The following DNAAF4 variants were observed in gnomAD, a reference collection of about 807,000 sequenced individuals.
DNAAF4 encodes dynein axonemal assembly factor 4.
A neutral mutation model predicts 51.8 loss-of-function variants in DNAAF4; 43 were observed. The observed-to-expected ratio is 0.83, with a 90% confidence interval of 0.65 to 1.07. DNAAF4 has a LOEUF of 1.07. Among genes scored for constraint, DNAAF4 ranks in the 50% least tolerant of loss-of-function variants. The pLI is 0.00. For missense variants in DNAAF4, 581 were observed against 493.0 expected, an observed-to-expected ratio of 1.18 and a Z score of -1.69; for synonymous variants, 194 against 165.6, an observed-to-expected ratio of 1.17 and a Z score of -1.32.
intron 7 of DNAAF4, among the ~76,000 whole-genome samples, chr15:55,419,236 T>G (rs559006965): frequency 6.6e-6 from 1 of 151,654 alleles, no homozygotes; most frequent in African/African-American, 2.4e-5. Flanking sequence ...TATTTTTTAT[T>G]TTTGGAGAAA....
intron 1 of DNAAF4, among the ~76,000 whole-genome samples, chr15:55,503,247 G>C (rs1040064000): frequency 6.6e-6 from 1 of 152,132 alleles, no homozygotes; most frequent in African/African-American, 2.4e-5. Flanking sequence ...TCTCTGAACA[G>C]ACCAATAACA....
intron 4 of DNAAF4, among the ~76,000 whole-genome samples, chr15:55,484,535 A>T (rs2058460278): frequency 6.6e-6 from 1 of 151,990 alleles, no homozygotes; most frequent in East Asian, 1.9e-4. Context: ...GATCTGCTAT[A>T]TCCACTTCTA....
Position 55,439,496 on chromosome 15 carries a change from G to C in DNAAF4, c.869C>G (p.Pro290Arg). ...LCDLKEEEKN[P>R]EWLKDKGNKL... ...CTTTCCTTTATCCTTCAACCATTCT[G>C]GGTTCTTTTCTTCTTCTTTTAAATC... The change falls in exon 7 of 10, where the codon CCA becomes CGA. Residue 290 changes from proline (P) to arginine (R), a missense_variant. Coordinates refer to ENST00000321149, the MANE Select transcript of DNAAF4 (RefSeq NM_130810.4). 1.2e-6 allele frequency: 2 copies of C among 1,613,812 alleles called. No individual in the cohort carries two copies. Among genetic ancestry groups the C allele is most frequent in the Non-Finnish European group, 1.7e-6 (2 of 1,179,870 alleles).
chr15:55,431,447 A>G (rs1213106614), intron 9 of DNAAF4, among the ~76,000 whole-genome samples: 1 of 150,862 alleles, frequency 6.6e-6, no homozygotes, highest in East Asian at 1.9e-4. Context: ...AATATCCATG[A>G]TATCTCAAAT....
chr15:55,445,119 G>C (rs1195364698), intron 6 of DNAAF4, among the ~76,000 whole-genome samples: 3 of 147,276 alleles, frequency 2.0e-5, no homozygotes, highest in Non-Finnish European at 3.0e-5. Flanking sequence ...TAGGATAATA[G>C]TGGAGAGAAG....
intron 4 of DNAAF4, among the ~76,000 whole-genome samples, chr15:55,469,820 G>A (rs946410184): frequency 1.3e-5 from 2 of 151,588 alleles, no homozygotes; most frequent in African/African-American, 4.8e-5. Flanking sequence ...CATCAGCTAT[G>A]TGTCCTCTAA....
intron 4 of DNAAF4, among the ~76,000 whole-genome samples, chr15:55,476,347 G>C (rs1226716675): frequency 6.6e-6 from 1 of 152,064 alleles, no homozygotes; most frequent in East Asian, 1.9e-4. Flanking sequence ...CAGCTACTCA[G>C]GAGGCTGGGG....
intron 6 of DNAAF4, among the ~76,000 whole-genome samples, chr15:55,448,595 C>T (rs558793799): frequency 8.0e-5 from 12 of 149,158 alleles, no homozygotes; most frequent in East Asian, 2.0e-4. Flanking sequence ...ATGGGCCGGG[C>T]GCAGTGGCTC....
At chr15:55,499,794 A>C (rs982622600) in intron 1 of DNAAF4, among the ~76,000 whole-genome samples, 2 of 152,246 alleles carry the variant, frequency 1.3e-5, no homozygotes, top group Non-Finnish European at 2.9e-5. Context: ...GCTGCAGAGA[A>C]GCTTGAAGAT....
At chr15:55,450,097 C>A (rs942786549) in intron 6 of DNAAF4, 125 bp downstream of exon 6, 1 of 1,113,970 alleles carries the variant, frequency 9.0e-7, no homozygotes, top group African/African-American at 1.6e-5. Context: ...AAAACATATT[C>A]ATGACGTTAT....
chr15:55,496,995 T>C (rs930608096), intron 3 of DNAAF4, among the ~76,000 whole-genome samples: 8 of 152,248 alleles, frequency 5.3e-5, no homozygotes, highest in Non-Finnish European at 4.4e-5. Flanking sequence ...AAACTACAAG[T>C]CAACACCACA....
At chr15:55,494,442 C>T (rs951120812) in intron 3 of DNAAF4, among the ~76,000 whole-genome samples, 10 of 152,034 alleles carry the variant, frequency 6.6e-5, no homozygotes, top group Middle Eastern at 3.4e-3. Context: ...GATGGAGTCT[C>T]GCTCTGTTGC....
intron 4 of DNAAF4, among the ~76,000 whole-genome samples, chr15:55,488,510 G>A (rs1489712056): frequency 6.6e-6 from 1 of 152,166 alleles, no homozygotes; most frequent in Non-Finnish European, 1.5e-5. Context: ...CACCAAAGTA[G>A]ACGTTTGCTA....
rs562013700 is a variant in DNAAF4 at position 55,498,476 on chromosome 15, T to C, written c.-147A>G. The C allele has an allele frequency of 1.1e-5, 13 of 1,234,248 alleles. No homozygotes were observed. In the East Asian group the frequency reaches 1.1e-4, roughly 10 times the overall value. 76.5% of individuals were successfully genotyped at this position (1,234,248 alleles called of 1,614,324 possible). A position where few individuals can be genotyped will look rare whatever the true frequency, so the allele number is the denominator to read the frequency against. ...CCCAGCGTGCTCCGGCGCCAGCACC[T>C]CGCGGACTCCATGCGTGACTATCCA... On this transcript the variant is annotated 5_prime_UTR_variant, in exon 2 of 10. Transcript: ENST00000321149.
At chr15:55,497,928 T>G (rs910806615) in intron 2 of DNAAF4, 69 bp from the exon 3 acceptor site, 2 of 1,538,782 alleles carry the variant, frequency 1.3e-6, no homozygotes, top group Non-Finnish European at 1.8e-6. Context: ...AAGAAACACG[T>G]GAAAAAGGTA....
intron 4 of DNAAF4, among the ~76,000 whole-genome samples, chr15:55,488,742 T>G (rs1479464835): frequency 6.6e-6 from 1 of 152,142 alleles, no homozygotes; most frequent in Non-Finnish European, 1.5e-5. Context: ...TATATATTAA[T>G]TCCTCTAAAT....
At chr15:55,505,208 C>T (rs2058720639) in intron 1 of DNAAF4, among the ~76,000 whole-genome samples, 1 of 152,162 alleles carries the variant, frequency 6.6e-6, no homozygotes, top group Non-Finnish European at 1.5e-5. Context: ...CAAATCAAAA[C>T]CACAGTGAGA....
intron 4 of DNAAF4, among the ~76,000 whole-genome samples, chr15:55,482,111 T>C (rs2141558391): frequency 6.6e-6 from 1 of 152,358 alleles, no homozygotes; most frequent in Non-Finnish European, 1.5e-5. Flanking sequence ...CTTTCGTTGT[T>C]TTGTTCTTTT....
In DNAAF4 at chr15:55,491,211, T is replaced by C; in HGVS notation, c.317A>G (p.Gln106Arg). The C allele has an allele frequency of 6.2e-7, 1 of 1,613,886 alleles. No homozygotes were observed. Among genetic ancestry groups the C allele is most frequent in the Middle Eastern group, 1.6e-4 (1 of 6,062 alleles). ...AGCTTCTTTTGCTCTCTCTTGTGCT[T>C]GTAAAATAGATTTTTCTCTAATTCT... The part of the protein sequence containing the change: ...MQRIREKSIL[Q>R]AQERAKEATE... Residue 106 changes from glutamine (Q) to arginine (R), a missense_variant, in exon 4 of 10, where the codon CAA becomes CGA. By Grantham distance (43) the Gln-to-Arg change is conservative. Coordinates refer to ENST00000321149, the MANE Select transcript of DNAAF4 (RefSeq NM_130810.4).
Sources: gnomAD v4.1 joint callset for allele counts (sites outside exome capture counted in the v4.1 genomes callset) on GRCh38, gnomAD v4.1.1 for gene constraint, MANE v1.5 for transcripts, NCBI Gene and HGNC (gene_info 2026-07-23, HGNC 2026-07-21) for gene names.